The following RFTN2 variants were observed in gnomAD, a reference collection of about 807,000 sequenced individuals.
RFTN2 encodes raftlin family member 2, also known as raftlin-2.
In RFTN2, 34 loss-of-function variants were observed where a neutral mutation model predicts 52.7. The ratio of observed to expected loss-of-function variants is 0.64; its 90% CI spans 0.49 to 0.86. RFTN2 has a LOEUF of 0.86. RFTN2 is among the 40% of genes least tolerant of loss of function. The pLI is 0.00. For missense variants in RFTN2, 536 were observed against 600.1 expected, an observed-to-expected ratio of 0.89 and a Z score of 1.12; for synonymous variants, 203 against 217.7, an observed-to-expected ratio of 0.93 and a Z score of 0.59.
At chr2:197,639,848 G>GT in intron 3 of RFTN2, among the ~76,000 whole-genome samples, 3 of 144,114 alleles carry the variant, frequency 2.1e-5, no homozygotes. Context: ...TTTCTGTTCT[G>GT]TTTTTTCCCC....
At chr2:197,623,542 G>A (rs1484786845) in intron 5 of RFTN2, among the ~76,000 whole-genome samples, 2 of 152,150 alleles carry the variant, frequency 1.3e-5, no homozygotes, top group African/African-American at 2.4e-5. Context: ...GCAGTGGCAC[G>A]ATCTCAGCTC....
At chr2:197,624,597 CAAAAAAAA>C (rs746144794) in intron 5 of RFTN2, among the ~76,000 whole-genome samples, 12 of 57,952 alleles carry the variant, frequency 2.1e-4, no homozygotes, top group African/African-American at 8.0e-4. Context: ...GACTCTGTCT[CAAAAAAAA>C]AAAAAAAAAA....
intron 1 of RFTN2, among the ~76,000 whole-genome samples, chr2:197,651,379 A>G (rs1263792376): frequency 6.6e-6 from 1 of 152,148 alleles, no homozygotes; most frequent in Non-Finnish European, 1.5e-5. Flanking sequence ...AGCAATTTCA[A>G]TGGCCAGAGC....
At chr2:197,573,104 C>A (rs543389038) in intron 8 of RFTN2, among the ~76,000 whole-genome samples, 1 of 85,286 alleles carries the variant, frequency 1.2e-5, no homozygotes. Flanking sequence ...AGTAGAGTGG[C>A]GGGGGTGGGG....
intron 8 of RFTN2, among the ~76,000 whole-genome samples, chr2:197,575,198 A>G (rs1365812609): frequency 6.6e-6 from 1 of 152,188 alleles, no homozygotes; most frequent in Non-Finnish European, 1.5e-5. Flanking sequence ...GCCGCCATGT[A>G]AGACATGACT....
At chr2:197,671,574 C>T (rs934971268) in intron 1 of RFTN2, among the ~76,000 whole-genome samples, 15 of 152,174 alleles carry the variant, frequency 9.9e-5, no homozygotes, top group Non-Finnish European at 1.8e-4. Flanking sequence ...CCAGTTTGAC[C>T]GAGTTGAATA....
chr2:197,600,291 A>G (rs2087860886), intron 7 of RFTN2, among the ~76,000 whole-genome samples: 2 of 152,198 alleles, frequency 1.3e-5, no homozygotes, highest in Non-Finnish European at 2.9e-5. Context: ...AAGGCTGACA[A>G]CTTTAGACAG....
chr2:197,661,337 C>A (rs922062407), intron 1 of RFTN2, among the ~76,000 whole-genome samples: 1 of 151,684 alleles, frequency 6.6e-6, no homozygotes, highest in Non-Finnish European at 1.5e-5. Flanking sequence ...CTCAAGTGAT[C>A]CTTCCACCTC....
At chr2:197,582,459 G>C (rs1169387256) in intron 8 of RFTN2, among the ~76,000 whole-genome samples, 1 of 152,090 alleles carries the variant, frequency 6.6e-6, no homozygotes, top group Admixed American at 6.6e-5. Flanking sequence ...GATCACACTT[G>C]GTTTATCGAT....
Position 197,674,530 on chromosome 2 carries a change from A to C in RFTN2, c.139+790T>G, listed in dbSNP as rs905544922. 2.0e-5 allele frequency among the ~76,000 whole-genome samples: 3 copies of C among 152,168 alleles called. No individual in the cohort carries two copies. In the South Asian group the frequency reaches 6.2e-4, roughly 32 times the overall value. On this transcript the variant is annotated intron_variant, in intron 1 of 8. Transcript: ENST00000295049. ...ATATCTGATAACTTTAACAGCAAGC[A>C]AAGCACTCTAAATTTCATTTTTACT...
chr2:197,618,061 CCCCTCT>C (rs1168838824), intron 5 of RFTN2, 140 bp from the exon 6 acceptor site: 141 of 421,396 alleles, frequency 3.3e-4, no homozygotes, highest in South Asian at 4.3e-4. Context: ...CCTCCCCCTC[CCCCTCT>C]CCCTCTCCCT....
intron 5 of RFTN2, among the ~76,000 whole-genome samples, chr2:197,622,131 T>C (rs1321914783): frequency 1.3e-5 from 2 of 152,084 alleles, no homozygotes; most frequent in Non-Finnish European, 2.9e-5. Context: ...GGAAGAAAAG[T>C]TGGAAGCCAA....
intron 1 of RFTN2, among the ~76,000 whole-genome samples, chr2:197,653,747 A>T (rs991426634): frequency 3.3e-5 from 5 of 152,188 alleles, no homozygotes; most frequent in African/African-American, 9.7e-5. Flanking sequence ...ACCAAAAAAA[A>T]GTTCTGAAAA....
At chr2:197,617,668 A>C in intron 6 of RFTN2, 132 bp downstream of exon 6, 36 of 214,966 alleles carry the variant, frequency 1.7e-4, no homozygotes, top group Non-Finnish European at 2.9e-4. Context: ...GTAACAGAGT[A>C]AGGCCCTGAC....
chr2:197,644,248 A>C lies in RFTN2; in HGVS notation c.348T>G (p.Ser116Arg). 6.2e-7 allele frequency: 1 copy of C among 1,610,900 alleles called. No homozygotes were observed. The highest frequency in any genetic ancestry group is 2.2e-5 in the East Asian group (1 of 44,850). Reference protein sequence around the residue: ...KLSPKNSAAPSGQRRPRLVIE... With the variant: ...KLSPKNSAAPRGQRRPRLVIE... ...TCACGAGCCTTGGGCGTCTTTGTCC[A>C]CTGGGTGCTGCCGAATTCTTTGGGC... Residue 116 changes from serine to arginine, a missense_variant, in exon 3 of 9, where the codon AGT becomes AGG. Coordinates refer to ENST00000295049, the MANE Select transcript of RFTN2 (RefSeq NM_144629.3).
At chr2:197,647,441 C>A (rs1261935896) in intron 1 of RFTN2, among the ~76,000 whole-genome samples, 1 of 152,128 alleles carries the variant, frequency 6.6e-6, no homozygotes, top group Admixed American at 6.6e-5. Flanking sequence ...AACTCCTGAG[C>A]TCAAGCAAGC....
At chr2:197,671,614 T>C (rs1432395839) in intron 1 of RFTN2, among the ~76,000 whole-genome samples, 1 of 152,238 alleles carries the variant, frequency 6.6e-6, no homozygotes, top group Non-Finnish European at 1.5e-5. Context: ...AACTGTCTTA[T>C]TCTTTTTTAT....
chr2:197,603,213 TA>T (rs570043128), intron 7 of RFTN2, among the ~76,000 whole-genome samples: 187 of 152,212 alleles, frequency 1.2e-3, no homozygotes, highest in African/African-American at 4.4e-3. Context: ...AGTATAATAA[TA>T]AAAAAAGTCT....
At chr2:197,573,558 T>C (rs1472944824) in intron 8 of RFTN2, among the ~76,000 whole-genome samples, 3 of 152,218 alleles carry the variant, frequency 2.0e-5, no homozygotes, top group East Asian at 3.8e-4. Context: ...GAACTTATGT[T>C]TACATTTGCA....
Sources: allele counts gnomAD v4.1 joint callset (sites outside exome capture counted in the v4.1 genomes callset), GRCh38; gene constraint gnomAD v4.1.1; transcripts MANE v1.5; gene names NCBI Gene and HGNC (gene_info 2026-07-23, HGNC 2026-07-21).